Variants in NLRP1 observed in about 807,000 individuals in gnomAD.
NLRP1 encodes the protein NLR family pyrin domain containing 1, also known as NACHT, LRR and PYD domains-containing protein 1.
In NLRP1, 94 loss-of-function variants were observed where a neutral mutation model predicts 136.7. The ratio of observed to expected loss-of-function variants is 0.69; its 90% confidence interval spans 0.58 to 0.82. NLRP1 has a LOEUF of 0.82. NLRP1 is among the 40% of genes least tolerant of loss of function. NLRP1 has a pLI of 0.00. For missense variants in NLRP1, 1,575 were observed against 1,802.7 expected, an observed-to-expected ratio of 0.87 and a Z score of 2.29; for synonymous variants, 690 against 725.1, an observed-to-expected ratio of 0.95 and a Z score of 0.78.
rs562584637 is a variant in NLRP1 at position 5,575,385 on chromosome 17, C to T, written c.652+6474G>A. 4.0e-4 allele frequency among the ~76,000 whole-genome samples: 61 copies of T among 152,206 alleles called. 2 individuals are homozygous for T. The South Asian group carries it at 9.7e-3, about 24-fold the overall frequency. On this transcript the variant is annotated intron_variant, in intron 3 of 16. Coordinates refer to ENST00000572272, the MANE Select transcript of NLRP1 (RefSeq NM_033004.4). ...TGCTGTATTCAGGAAACCCATCTCA[C>T]GTGCAAAGACACACATAGGCTCAAA...
intron 15 of NLRP1, chr17:5,503,070 T>C (rs983427125): frequency 6.7e-6 from 1 of 149,218 alleles, no homozygotes; most frequent in Non-Finnish European, 1.5e-5. Flanking sequence ...GAGGCTAGAA[T>C]GAAAGGGTGT....
In NLRP1 at chr17:5,521,557, G is replaced by C; in HGVS notation, c.3750C>G (p.Leu1250=). ...RVHPEEVTFH[L]YLIPSDCSIR... ...TGGAGCAGTCACTTGGGATCAGGTAGAGGTGGAAGGTGACTTCCTCAGGAT... is the reference window on the plus strand; with the variant it reads ...TGGAGCAGTCACTTGGGATCAGGTACAGGTGGAAGGTGACTTCCTCAGGAT... The change falls in exon 13 of 17, where the codon CTC becomes CTG. Residue 1250 remains leucine (L), a synonymous_variant. Coordinates refer to ENST00000572272, the MANE Select transcript of NLRP1 (RefSeq NM_033004.4). 1.2e-6 allele frequency: 2 copies of C among 1,614,116 alleles called. No individual in the cohort carries two copies. The highest frequency in any genetic ancestry group is 1.7e-6 in the Non-Finnish European group (2 of 1,180,022).
intron 11 of NLRP1, among the ~76,000 whole-genome samples, chr17:5,531,934 T>C (rs1910329604): frequency 6.6e-6 from 1 of 152,142 alleles, no homozygotes; most frequent in Non-Finnish European, 1.5e-5. Context: ...TGGACCTTGT[T>C]TGGATCCTGA....
At chr17:5,527,666 G>T (rs980017910) in intron 12 of NLRP1, among the ~76,000 whole-genome samples, 1 of 152,234 alleles carries the variant, frequency 6.6e-6, no homozygotes, top group African/African-American at 2.4e-5. Context: ...TACCTTGCAT[G>T]GTTCCAGGCA....
chr17:5,532,533 A>C (rs546344773), intron 11 of NLRP1, among the ~76,000 whole-genome samples: 1 of 152,356 alleles, frequency 6.6e-6, no homozygotes, highest in African/African-American at 2.4e-5. Context: ...GCTGAAACGA[A>C]TTTGGCAAAA....
chr17:5,567,316 TTG>T (rs1233668906), intron 3 of NLRP1, among the ~76,000 whole-genome samples: 1 of 152,114 alleles, frequency 6.6e-6, no homozygotes, highest in Non-Finnish European at 1.5e-5. Context: ...TTTTTATTTT[TTG>T]TGTATCCATT....
rs540742906 is a variant in NLRP1 at position 5,561,681 on chromosome 17, G to A, written c.653-1638C>T. 9.3e-5 allele frequency among the ~76,000 whole-genome samples: 4 copies of A among 43,104 alleles called. 1 individual carries two copies. Among genetic ancestry groups the A allele is most frequent in the South Asian group, 6.5e-4 (1 of 1,534 alleles). The allele number at this position is 43,104 out of a possible 152,430, so 28.3% of individuals were successfully genotyped here. The stretch of plus-strand genomic sequence containing the variant: ...GATGGTCTCGATCTCCTGACCTCAT[G>A]ATCCACCCGCCTCGGCCTCCCAAAG... On this transcript the variant is annotated intron_variant, in intron 3 of 16. Transcript: ENST00000572272.
At position 5,517,738 on chromosome 17, in the gene NLRP1, G is replaced by C. The variant is rs190095941; in HGVS notation, c.4057+8C>G. The stretch of plus-strand genomic sequence containing the variant: ...CCTCTGAGTTCTCTGGAATTGTCCT[G>C]GATTTACCTGGTTTCACCAAGGCCT... On this transcript the variant is annotated splice_region_variant and intron_variant, in intron 15 of 16. Transcript: ENST00000572272. 7.6e-3 allele frequency: 12,223 copies of C among 1,613,976 alleles called. 62 individuals are homozygous for C. The highest frequency in any genetic ancestry group is 9.2e-3 in the Non-Finnish European group (10,861 of 1,179,914).
rs145254369 is a variant in NLRP1, at chr17:5,530,780, G to T, written c.3297-76C>A. The T allele has an allele frequency of 2.8e-3, 3,197 of 1,138,206 alleles. 54 individuals are homozygous for T. In the African/African-American group the frequency reaches 0.038, roughly 13 times the overall value. The allele number at this position is 1,138,206 out of a possible 1,614,324, so 70.5% of individuals were successfully genotyped here. On this transcript the variant is annotated intron_variant, in intron 11 of 16. Transcript: ENST00000572272. Reference sequence around the variant, plus strand: ...CCTGCTGGATGCCAGACCCCATGCAGGGGCTTGCGGATACGGTACAGTGGC... The same window carrying T: ...CCTGCTGGATGCCAGACCCCATGCATGGGCTTGCGGATACGGTACAGTGGC...
intron 8 of NLRP1, among the ~76,000 whole-genome samples, chr17:5,534,722 C>G (rs949501903): frequency 6.6e-6 from 1 of 152,168 alleles, no homozygotes; most frequent in East Asian, 1.9e-4. Context: ...AAATAGGAAC[C>G]TGACCCATCA....
rs1463320467 is a variant in NLRP1 at position 5,583,744 on chromosome 17, G to C, written c.214C>G (p.His72Asp). 8 of 1,552,976 alleles carry C rather than the reference G, an allele frequency of 5.2e-6. No individual in the cohort carries two copies. Among genetic ancestry groups the C allele is most frequent in the Non-Finnish European group, 7.0e-6 (8 of 1,148,064 alleles). Residue 72 changes from histidine to aspartate, a missense_variant, in exon 1 of 17, where the codon CAT becomes GAT. His to Asp is a moderately conservative substitution (Grantham distance 81). Coordinates refer to ENST00000572272, the MANE Select transcript of NLRP1 (RefSeq NM_033004.4). The surrounding 1 kb of genome is among the most constrained non-coding windows in gnomAD (Gnocchi z 4.5). The part of the protein sequence containing the change: ...GEQRAWDLAL[H>D]TWEQMGLRSL... ...CTCAGCCCCATCTGCTCCCAGGTAT[G>C]GAGGGCTAGGTCCCAGGCCCGCTGC...
intron 3 of NLRP1, among the ~76,000 whole-genome samples, chr17:5,574,817 A>C (rs1904842059): frequency 6.6e-6 from 1 of 151,744 alleles, no homozygotes; most frequent in Non-Finnish European, 1.5e-5. Flanking sequence ...GCCCGCCATC[A>C]CGCCCGGCTA....
downstream of NLRP1, chr17:5,512,159 C>T (rs1045046263): frequency 3.0e-6 from 3 of 995,292 alleles, no homozygotes; most frequent in African/African-American, 4.7e-5. Flanking sequence ...GCCATTCGAT[C>T]TGAATTCTCA....
At chr17:5,512,113 T>C (rs1250032394), downstream of NLRP1, 2 of 785,488 alleles carry the variant, frequency 2.5e-6, no homozygotes, top group Admixed American at 1.7e-5. Context: ...GTCTTCATAG[T>C]CTGCACTTAT....
chr17:5,533,802 C>A, intron 9 of NLRP1, 95 bp downstream of exon 9: 1 of 836,044 alleles, frequency 1.2e-6, no homozygotes, highest in Non-Finnish European at 2.0e-6. Flanking sequence ...TGCCCCGTCC[C>A]ACATCAGGGG....
Position 5,514,458 on chromosome 17 carries a change from C to T in NLRP1, c.*296G>A, listed in dbSNP as rs200824746. On this transcript the variant is annotated 3_prime_UTR_variant, in exon 17 of 17. Transcript: ENST00000572272. ...TTCCTCTTTGCGCCTGGATGGGATC[C>T]GGAGGGCTCTAGGCTTGGCTGCTGT... The T allele has an allele frequency of 3.0e-5, 38 of 1,250,976 alleles. No homozygotes were observed. The East Asian group carries it at 3.7e-4, about 12-fold the overall frequency. The allele number at this position is 1,250,976 out of a possible 1,614,324, so 77.5% of individuals were successfully genotyped here.
intron 8 of NLRP1, among the ~76,000 whole-genome samples, chr17:5,534,682 C>T (rs909368364): frequency 9.2e-5 from 14 of 152,194 alleles, no homozygotes; most frequent in African/African-American, 2.7e-4. Context: ...GTCCCTCTGC[C>T]GCCCATTTTC....
exon 16 of NLRP1, chr17:5,501,572 T>A: frequency 2.5e-6 from 1 of 397,782 alleles, no homozygotes; most frequent in Non-Finnish European, 4.7e-6. Flanking sequence ...GCCTTCTTCC[T>A]TTTTTTTCTC....
chr17:5,559,147 A>G lies in NLRP1; in HGVS notation c.1549T>C (p.Cys517Arg). The change falls in exon 4 of 17, where the codon TGT (cysteine) becomes CGT (arginine). Residue 517 changes from cysteine to arginine, a missense_variant. Physicochemically the swap from Cys to Arg is radical, Grantham distance 180. Transcript: ENST00000572272. ...AGCCAGGACACCCAGGGCACAAGAC[A>G]CAGGGCCCAGAGCTCTTTGTTTGAT... Reference protein sequence around the residue: ...VKSNKELWALCLVPWVSWLAC... With the variant: ...VKSNKELWALRLVPWVSWLAC... 6.2e-7 allele frequency: 1 copy of G among 1,614,202 alleles called. No individual in the cohort carries two copies. The highest frequency in any genetic ancestry group is 8.5e-7 in the Non-Finnish European group (1 of 1,180,022).
Sources: allele counts gnomAD v4.1 joint callset (sites outside exome capture counted in the v4.1 genomes callset), GRCh38; gene constraint gnomAD v4.1.1; non-coding constraint Gnocchi (gnomAD v3.1); transcripts MANE v1.5; gene names NCBI Gene and HGNC (gene_info 2026-07-23, HGNC 2026-07-21).